The following CALHM4 variants were observed in gnomAD, a reference collection of about 807,000 sequenced individuals.
The protein encoded by CALHM4 is calcium homeostasis modulator family member 4, also known as calcium homeostasis modulator protein 4.
CALHM4 carries 16 observed loss-of-function variants against 13.3 expected under a neutral mutation model. That is an observed-to-expected ratio of 1.20 (90% CI 0.81 to 1.82). The LOEUF is 1.82. Ranked by LOEUF, CALHM4 falls within the 40% of genes most tolerant of loss-of-function variation. CALHM4 has a pLI of 0.00. For synonymous variants in CALHM4, 127 were observed against 137.1 expected (o/e 0.93, Z 0.52); for missense variants, 344 against 374.9 (o/e 0.92, Z 0.68).
chr6:116,531,962 C>T (rs181012993), intron 1 of CALHM4, among the ~76,000 whole-genome samples: 2 of 151,706 alleles, frequency 1.3e-5, no homozygotes, highest in African/African-American at 4.8e-5. Flanking sequence ...AAGTTGAGTT[C>T]GCTGTCATTA....
rs1313712076 is a variant in CALHM4 at position 116,530,926 on chromosome 6, T to TAC, written c.-109+1737_-109+1738insCA. The stretch of plus-strand genomic sequence containing the variant: ...TCATATATATATATATATATATATA[T>TAC]ATATATATATATATATATGTTACTA... On this transcript the variant is annotated intron_variant, in intron 1 of 2. Coordinates refer to the CALHM4 transcript ENST00000368597. Among the ~76,000 whole-genome samples the TAC allele has an allele frequency of 2.3e-3, 325 of 142,812 alleles. 5 individuals are homozygous for TAC. Among genetic ancestry groups the TAC allele is most frequent in the Middle Eastern group, 0.018 (5 of 272 alleles). 93.7% of individuals were successfully genotyped at this position (142,812 alleles called of 152,430 possible).
chr6:116,535,018 A>G (rs780691612), intron 1 of CALHM4, among the ~76,000 whole-genome samples: 2 of 152,170 alleles, frequency 1.3e-5, no homozygotes, highest in Non-Finnish European at 2.9e-5. Flanking sequence ...CCTGAGAGCA[A>G]AAAGCTTCTC....
chr6:116,534,224 C>G (rs1772930302), intron 1 of CALHM4, among the ~76,000 whole-genome samples: 1 of 152,126 alleles, frequency 6.6e-6, no homozygotes, highest in African/African-American at 2.4e-5. Flanking sequence ...TGAAACCTCT[C>G]TGGCTCGCCT....
intron 1 of CALHM4, among the ~76,000 whole-genome samples, chr6:116,540,903 G>T (rs1168620262): frequency 6.6e-6 from 1 of 152,114 alleles, no homozygotes; most frequent in Admixed American, 6.6e-5. Context: ...GGGTAGAAGG[G>T]CAGGCATTTC....
rs1773107052 is a variant in CALHM4 at position 116,536,568 on chromosome 6, T to C, written c.-108-7197T>C. 2.0e-5 allele frequency among the ~76,000 whole-genome samples: 3 copies of C among 152,220 alleles called. No homozygotes were observed. The South Asian group carries it at 6.2e-4, about 32-fold the overall frequency. ...TCAGAGGGAGGGATCACTTCTCCTG[T>C]CTGGGCATAGGTTTCTTCATCTAGT... On this transcript the variant is annotated intron_variant, in intron 1 of 2. Transcript: ENST00000368597.
chr6:116,543,720 C>T, intron 1 of CALHM4: 2 of 1,069,992 alleles, frequency 1.9e-6, no homozygotes, highest in Middle Eastern at 2.0e-4. Flanking sequence ...TAATTTCTAA[C>T]ATAAATTTCT....
intron 2 of CALHM4, chr6:116,545,597 GT>G: frequency 7.5e-7 from 1 of 1,325,384 alleles, no homozygotes; most frequent in Non-Finnish European, 1.0e-6. Context: ...ATGTCTTTTT[GT>G]TTTGTTTTTG....
chr6:116,543,800 C>T, exon 2 of CALHM4: 1 of 1,533,242 alleles, frequency 6.5e-7, no homozygotes, highest in Non-Finnish European at 8.7e-7. Context: ...TCTCAGGCGT[C>T]TGCACAATCC....
In CALHM4 at chr6:116,557,959, C is replaced by G; in HGVS notation, c.693C>G (p.Leu231=). The change falls in exon 2 of 2, where the codon CTC becomes CTG. Residue 231 remains leucine, a synonymous_variant. Coordinates refer to ENST00000368596, the MANE Select transcript of CALHM4 (RefSeq NM_001366078.2). ...GCCACCTCCAGAATGAGAGAGAACT[C>G]TTTGAACAAGCAGCAGAGCAGCACT... ...WTSHLQNERE[L]FEQAAEQHSR... is the part of the protein sequence containing the mutation. 6.2e-7 allele frequency: 1 copy of G among 1,614,160 alleles called. No individual in the cohort carries two copies. Among genetic ancestry groups the G allele is most frequent in the South Asian group, 1.1e-5 (1 of 91,068 alleles).
intron 1 of CALHM4, among the ~76,000 whole-genome samples, chr6:116,536,616 TTC>T (rs1384566451): frequency 6.6e-6 from 1 of 152,196 alleles, no homozygotes. Context: ...AATGCATTCC[TTC>T]TCTCTCTTTC....
intron 1 of CALHM4, among the ~76,000 whole-genome samples, chr6:116,542,429 A>G (rs1488797426): frequency 2.0e-5 from 3 of 152,162 alleles, no homozygotes; most frequent in Non-Finnish European, 4.4e-5. Context: ...CTGTATTTCA[A>G]CTGAAAATAC....
rs181678526 is a variant in CALHM4 at position 116,539,319 on chromosome 6, C to A, written c.-108-4446C>A. On this transcript the variant is annotated intron_variant, in intron 1 of 2. Transcript: ENST00000368597. ...CCAGCCTGGTTAGTGGTATGATAAA[C>A]TCATTGTGCTAAGGTTGGAAGATAC... Among the ~76,000 whole-genome samples, 650 of 152,232 alleles carry A rather than the reference C, an allele frequency of 4.3e-3. 2 individuals carry two copies. The highest frequency in any genetic ancestry group is 5.2e-3 in the Non-Finnish European group (353 of 68,010).
chr6:116,532,812 C>G (rs1363055894), intron 1 of CALHM4, among the ~76,000 whole-genome samples: 1 of 152,202 alleles, frequency 6.6e-6, no homozygotes, highest in Non-Finnish European at 1.5e-5. Context: ...CATTGCTCTG[C>G]TTTCATAATA....
upstream of CALHM4, among the ~76,000 whole-genome samples, chr6:116,552,090 T>C (rs1338647079): frequency 9.2e-5 from 14 of 152,316 alleles, no homozygotes; most frequent in South Asian, 2.9e-3. Context: ...CCTTTAGTAA[T>C]CCTCCTAATG....
At chr6:116,537,531 C>T (rs909980921) in intron 1 of CALHM4, among the ~76,000 whole-genome samples, 4 of 152,134 alleles carry the variant, frequency 2.6e-5, no homozygotes, top group Non-Finnish European at 5.9e-5. Flanking sequence ...CTTTCCTATG[C>T]TCTCCATAGA....
intron 1 of CALHM4, among the ~76,000 whole-genome samples, chr6:116,532,090 GA>G (rs1772762497): frequency 6.6e-6 from 1 of 152,214 alleles, no homozygotes; most frequent in South Asian, 2.1e-4. Flanking sequence ...TCAGTGTAAT[GA>G]AAATTGCTTG....
chr6:116,552,450 G>A (rs1774120555), upstream of CALHM4, among the ~76,000 whole-genome samples: 2 of 151,982 alleles, frequency 1.3e-5, no homozygotes, highest in Admixed American at 1.3e-4. Flanking sequence ...AATATTGCCT[G>A]TCTATTCCTT....
At chr6:116,557,640 C>A (rs1433276200) in intron 1 of CALHM4, among the ~76,000 whole-genome samples, 185 bp from the exon 2 acceptor site, 1 of 152,170 alleles carries the variant, frequency 6.6e-6, no homozygotes, top group African/African-American at 2.4e-5. Flanking sequence ...TGGGCCTATG[C>A]CCTCCATCAG....
chr6:116,540,229 C>T (rs930924868), intron 1 of CALHM4: 6 of 808,528 alleles, frequency 7.4e-6, no homozygotes, highest in Middle Eastern at 3.0e-4. Context: ...AAATGCTTTT[C>T]AATCAGAATC....
Sources: allele counts gnomAD v4.1 joint callset (sites outside exome capture counted in the v4.1 genomes callset), GRCh38; gene constraint gnomAD v4.1.1; transcripts MANE v1.5; gene names NCBI Gene and HGNC (gene_info 2026-07-23, HGNC 2026-07-21).